The following CLVS1 variants were observed in gnomAD, a reference collection of about 807,000 sequenced individuals.
The protein encoded by CLVS1 is clavesin-1.
A neutral mutation model predicts 33.1 loss-of-function variants in CLVS1; 10 were observed. That is an observed-to-expected ratio of 0.30 (90% CI 0.19 to 0.51). The LOEUF (loss-of-function observed/expected upper bound fraction) is 0.51. Ranked by LOEUF, CLVS1 falls within the 20% of genes least tolerant of loss-of-function variation. CLVS1 has a pLI of 0.97. For synonymous variants in CLVS1, 163 were observed against 166.1 expected (o/e 0.98, Z 0.14); for missense variants, 343 against 433.4 (o/e 0.79, Z 1.85).
At chr8:61,458,235 G>T in intron 4 of CLVS1, 72 bp from the exon 5 acceptor site, 6 of 1,110,844 alleles carry the variant, frequency 5.4e-6, no homozygotes, top group Non-Finnish European at 8.0e-6. Context: ...TGGCTAAATT[G>T]TGTATTAGAT....
intron 2 of CLVS1, among the ~76,000 whole-genome samples, chr8:61,176,906 A>T (rs1807122648): frequency 6.6e-6 from 1 of 152,196 alleles, no homozygotes; most frequent in African/African-American, 2.4e-5. Context: ...GATTCAGAAC[A>T]GCCACTTGAC....
chr8:61,122,593 C>T (rs1805895390), intron 1 of CLVS1, among the ~76,000 whole-genome samples: 1 of 150,834 alleles, frequency 6.6e-6, no homozygotes, highest in Admixed American at 6.6e-5. Flanking sequence ...CACACACACA[C>T]ACACACACAC....
the CLVS1 span, among the ~76,000 whole-genome samples, chr8:60,992,622 A>G: frequency 1.3e-5 from 2 of 152,210 alleles, no homozygotes; most frequent in African/African-American, 4.8e-5. Context: ...GGGTTCTTAG[A>G]GAGTGTCCCT....
intron 3 of CLVS1, among the ~76,000 whole-genome samples, chr8:61,410,685 C>T (rs993785634): frequency 3.3e-5 from 5 of 151,956 alleles, no homozygotes; most frequent in African/African-American, 9.7e-5. Context: ...TCTGTCACCC[C>T]GGCTGGAGTG....
chr8:61,290,308 A>C (rs978990334), intron 1 of CLVS1, among the ~76,000 whole-genome samples: 1 of 152,234 alleles, frequency 6.6e-6, no homozygotes, highest in Non-Finnish European at 1.5e-5. Flanking sequence ...ATTAATTTTT[A>C]TAGAATGATG....
chr8:61,184,128 A>C (rs1223016391), intron 2 of CLVS1, among the ~76,000 whole-genome samples: 1 of 152,146 alleles, frequency 6.6e-6, no homozygotes, highest in Admixed American at 6.6e-5. Context: ...ACCAAAGGAA[A>C]AATTTCATTA....
chr8:61,038,440 T>TATATATATATATATGTC, the CLVS1 span, among the ~76,000 whole-genome samples: 1 of 106,188 alleles, frequency 9.4e-6, no homozygotes, highest in East Asian at 2.8e-4. Flanking sequence ...GTCGTTTGTA[T>TATATATATATATATGTC]ATATATATAT....
intron 2 of CLVS1, among the ~76,000 whole-genome samples, chr8:61,335,094 C>G (rs745497262): frequency 6.6e-6 from 1 of 152,122 alleles, no homozygotes; most frequent in Admixed American, 6.5e-5. Context: ...ATCAAGTGAG[C>G]CAGTTTATTG....
At chr8:61,338,484 A>T (rs1811885624) in intron 2 of CLVS1, among the ~76,000 whole-genome samples, 1 of 152,144 alleles carries the variant, frequency 6.6e-6, no homozygotes, top group Admixed American at 6.5e-5. Flanking sequence ...TGCATTTCTA[A>T]TAAATTCCCA....
At chr8:61,101,722 A>C (rs995056298) in intron 1 of CLVS1, among the ~76,000 whole-genome samples, 1 of 151,982 alleles carries the variant, frequency 6.6e-6, no homozygotes, top group Non-Finnish European at 1.5e-5. Flanking sequence ...TTTATCTACA[A>C]GTTTTATATG....
intron 3 of CLVS1, among the ~76,000 whole-genome samples, chr8:61,418,355 T>TA (rs1420889104): frequency 1.3e-5 from 2 of 152,172 alleles, no homozygotes; most frequent in African/African-American, 4.8e-5. Context: ...AACTATTTGT[T>TA]ATTACTTAAA....
intron 3 of CLVS1, among the ~76,000 whole-genome samples, chr8:61,410,027 C>G (rs953027935): frequency 2.9e-5 from 4 of 137,508 alleles, no homozygotes; most frequent in Admixed American, 1.4e-4. Context: ...GCAAATGTTT[C>G]TCAATTTTCT....
rs562782632 is a variant in CLVS1, at chr8:61,454,970, T to C, written c.741+719T>C. On this transcript the variant is annotated intron_variant, in intron 4 of 5. Coordinates refer to ENST00000325897, the MANE Select transcript of CLVS1 (RefSeq NM_173519.3). ...AATGAAAACATGTATCATGATGCAG[T>C]TGGTACATCATGAGACTTGTTGACT... 1.5e-4 allele frequency among the ~76,000 whole-genome samples: 23 copies of C among 152,314 alleles called. No individual in the cohort carries two copies. The South Asian group carries it at 3.7e-3, about 25-fold the overall frequency.
chr8:61,298,495 G>A (rs990272938), intron 1 of CLVS1, among the ~76,000 whole-genome samples: 1 of 152,098 alleles, frequency 6.6e-6, no homozygotes, highest in Non-Finnish European at 1.5e-5. Flanking sequence ...TATGTGAGAT[G>A]ATTGTCTCTC....
At chr8:61,194,221 A>G (rs1001736669) in intron 2 of CLVS1, among the ~76,000 whole-genome samples, 8 of 152,106 alleles carry the variant, frequency 5.3e-5, no homozygotes, top group African/African-American at 1.7e-4. Flanking sequence ...ATTCTATTAA[A>G]TGTAAATGAC....
At chr8:61,405,394 G>T (rs1214139245) in intron 3 of CLVS1, among the ~76,000 whole-genome samples, 1 of 152,138 alleles carries the variant, frequency 6.6e-6, no homozygotes, top group Non-Finnish European at 1.5e-5. Flanking sequence ...TTACACAAGG[G>T]CATTTCTGCA....
At chr8:61,030,863 G>T in the CLVS1 span, among the ~76,000 whole-genome samples, 1 of 152,208 alleles carries the variant, frequency 6.6e-6, no homozygotes, top group South Asian at 2.1e-4. Context: ...AGGTTTGGGA[G>T]TCAGGCCACC....
At chr8:61,169,729 C>G (rs546270643) in intron 2 of CLVS1, among the ~76,000 whole-genome samples, 1 of 152,312 alleles carries the variant, frequency 6.6e-6, no homozygotes, top group Admixed American at 6.5e-5. Flanking sequence ...TCCCTCTCCC[C>G]TATAAAGATG....
chr8:61,186,162 T>C (rs576328126), intron 2 of CLVS1, among the ~76,000 whole-genome samples: 1 of 152,064 alleles, frequency 6.6e-6, no homozygotes, highest in South Asian at 2.1e-4. Flanking sequence ...TCACAGAGAG[T>C]ACGCAGATAG....
Sources: allele counts gnomAD v4.1 joint callset (sites outside exome capture counted in the v4.1 genomes callset), GRCh38; gene constraint gnomAD v4.1.1; transcripts MANE v1.5; gene names NCBI Gene and HGNC (gene_info 2026-07-23, HGNC 2026-07-21).